The following KLHL15 variants were observed in gnomAD, a reference collection of about 807,000 sequenced individuals.
KLHL15 encodes kelch-like protein 15.
A neutral mutation model predicts 29.3 loss-of-function variants in KLHL15; 1 was observed. That is an observed-to-expected ratio of 0.03 (90% CI 0.01 to 0.16). KLHL15 has a LOEUF of 0.16. Among genes scored for constraint, KLHL15 ranks in the 10% least tolerant of loss-of-function variants. The pLI is 1.00. For synonymous variants in KLHL15, 212 were observed against 184.5 expected (o/e 1.15, Z -1.21); for missense variants, 215 against 478.5 (o/e 0.45, Z 5.14).
At chrX:23,989,113 C>A (rs1244597583) in intron 3 of KLHL15, 83 bp from the exon 4 acceptor site, 7 of 776,883 alleles carry the variant, frequency 9.0e-6, no homozygotes, top group Admixed American at 3.5e-5. Flanking sequence ...ATACGATCAT[C>A]TTAGGCTCAC....
At chrX:24,013,065 A>C (rs888070198) in intron 2 of KLHL15, among the ~76,000 whole-genome samples, 5 of 111,677 alleles carry the variant, frequency 4.5e-5, no homozygotes, top group Non-Finnish European at 9.4e-5. Flanking sequence ...TTAAGATAAA[A>C]GTAAGCTACA....
chrX:23,990,690 G>A (rs866688879), intron 3 of KLHL15, among the ~76,000 whole-genome samples: 3 of 110,803 alleles, frequency 2.7e-5, no homozygotes, highest in African/African-American at 3.3e-5. Context: ...AGGCGGAAAT[G>A]TCTAAGAGCC....
intron 1 of KLHL15, among the ~76,000 whole-genome samples, chrX:24,025,282 G>C (rs1019034191): frequency 1.8e-5 from 2 of 109,735 alleles, no homozygotes; most frequent in Non-Finnish European, 3.8e-5. Context: ...CGGCGTCTCT[G>C]GGCTTCTGCC....
intron 3 of KLHL15, among the ~76,000 whole-genome samples, chrX:23,991,884 A>C (rs1929096067): frequency 8.9e-6 from 1 of 111,757 alleles, no homozygotes; most frequent in Admixed American, 9.5e-5. Context: ...AAAAAACAAA[A>C]CTGAGTATTT....
intron 2 of KLHL15, among the ~76,000 whole-genome samples, chrX:24,016,364 AAAAAG>A: frequency 1.2e-5 from 1 of 86,520 alleles, no homozygotes; most frequent in Non-Finnish European, 2.1e-5. Context: ...AAAAAAAAAA[AAAAAG>A]GGGGGGTATA....
intron 2 of KLHL15, among the ~76,000 whole-genome samples, chrX:24,020,366 A>C (rs1602018392): frequency 8.9e-6 from 1 of 112,187 alleles, no homozygotes; most frequent in East Asian, 2.8e-4. Flanking sequence ...TTGAAAACTC[A>C]CTTTAATATG....
chrX:24,025,575 C>G (rs939829409), intron 1 of KLHL15, among the ~76,000 whole-genome samples: 3 of 108,644 alleles, frequency 2.8e-5, no homozygotes, highest in Middle Eastern at 4.7e-3. Flanking sequence ...AGGCCCCCCC[C>G]TCGGCCCCTG....
intron 2 of KLHL15, among the ~76,000 whole-genome samples, chrX:24,013,629 G>A (rs890087201): frequency 3.6e-5 from 4 of 111,008 alleles, no homozygotes; most frequent in African/African-American, 1.3e-4. Context: ...ATGCATACTG[G>A]GAACAAAAGG....
At chrX:24,020,962 A>C (rs1414669819) in intron 2 of KLHL15, among the ~76,000 whole-genome samples, 1 of 112,200 alleles carries the variant, frequency 8.9e-6, no homozygotes, top group Non-Finnish European at 1.9e-5. Context: ...AGATCTTATC[A>C]GAGACAAAGG....
intron 3 of KLHL15, among the ~76,000 whole-genome samples, chrX:24,004,808 A>G (rs1207024722): frequency 9.3e-6 from 1 of 107,521 alleles, no homozygotes; most frequent in Non-Finnish European, 1.9e-5. Flanking sequence ...AAAAAAAAAT[A>G]CATACATACA....
chrX:24,011,439 T>C lies in KLHL15; in HGVS notation c.-7-4739A>G, dbSNP rs373286236. Among the ~76,000 whole-genome samples the C allele has an allele frequency of 9.2e-5, 10 of 109,165 alleles. No individual in the cohort carries two copies. The East Asian group carries it at 1.2e-3, about 13-fold the overall frequency. The allele number at this position is 109,165 out of a possible 115,157, so 94.8% of individuals were successfully genotyped here. A position where few individuals can be genotyped will look rare whatever the true frequency, so the allele number is the denominator to read the frequency against. On this transcript the variant is annotated intron_variant, in intron 2 of 3. Coordinates refer to ENST00000328046, the MANE Select transcript of KLHL15 (RefSeq NM_030624.3). The stretch of plus-strand genomic sequence containing the variant: ...GGTAGGCGGATCACGAAGTCAGGAG[T>C]TCCAGGCCAGCGTGGCCAACATGGT...
intron 3 of KLHL15, among the ~76,000 whole-genome samples, chrX:23,996,996 G>A (rs773008046): frequency 8.9e-6 from 1 of 111,817 alleles, no homozygotes; most frequent in African/African-American, 3.2e-5. Flanking sequence ...AATACCAAAT[G>A]GTAAATAAAG....
rs747838167 is a variant in KLHL15, at chrX:23,987,897, CTT to C, written c.*22_*23del. 2 of 1,161,796 alleles carry C rather than the reference CTT, an allele frequency of 1.7e-6. No homozygotes were observed. Among genetic ancestry groups the C allele is most frequent in the African/African-American group, 1.8e-5 (1 of 55,230 alleles). On this transcript the variant is annotated 3_prime_UTR_variant, in exon 4 of 4. Transcript: ENST00000328046. ...GTGCAAACAAATACTTTGTTTGCCT[CTT>C]TTTTTAGGGAGGAGGATGTCATTAG...
rs1185723730 is a variant in KLHL15, at chrX:23,987,612, CAT to C, written c.*307_*308del. On this transcript the variant is annotated 3_prime_UTR_variant, in exon 4 of 4. Transcript: ENST00000328046. ...TTATCGGGTCTTCTCTTAGAAGACA[CAT>C]GACTCCTACGCTAACATCTGAAAGA... is the stretch of plus-strand genomic sequence containing the variant. 14 of 193,087 alleles carry C rather than the reference CAT, an allele frequency of 7.3e-5. No individual in the cohort carries two copies. The East Asian group carries it at 1.2e-3, about 17-fold the overall frequency. 15.9% of individuals were successfully genotyped at this position (193,087 alleles called of 1,213,427 possible). A position where few individuals can be genotyped will look rare whatever the true frequency, so the allele number is the denominator to read the frequency against.
chrX:24,012,334 C>T (rs1356107358), intron 2 of KLHL15, among the ~76,000 whole-genome samples: 2 of 111,558 alleles, frequency 1.8e-5, no homozygotes. Flanking sequence ...ACATCCTAGT[C>T]CCCATTTCCC....
At chrX:23,989,248 T>C (rs1235598088) in intron 3 of KLHL15, among the ~76,000 whole-genome samples, 2 of 108,569 alleles carry the variant, frequency 1.8e-5, no homozygotes, top group Non-Finnish European at 3.8e-5. Flanking sequence ...TGGAGTGCAG[T>C]TGCATGGACT....
intron 1 of KLHL15, among the ~76,000 whole-genome samples, chrX:24,026,314 A>G (rs1295312877): frequency 2.7e-5 from 3 of 112,396 alleles, no homozygotes; most frequent in Non-Finnish European, 5.6e-5. Flanking sequence ...AAGAACGAAC[A>G]TTCAGAGGGC....
chrX:24,022,722 GTTTTT>G (rs530143102), intron 2 of KLHL15, among the ~76,000 whole-genome samples: 1 of 99,761 alleles, frequency 1.0e-5, no homozygotes, highest in African/African-American at 3.6e-5. Context: ...CTGTTTCGCG[GTTTTT>G]TTTTTTTTTG....
chrX:24,025,153 C>G (rs1929896219), intron 1 of KLHL15, 95 bp from the exon 2 acceptor site: 1 of 289,806 alleles, frequency 3.5e-6, no homozygotes, highest in East Asian at 4.9e-5. Context: ...TTGCCAACGC[C>G]GGGGGCCTCG....
Sources: allele counts gnomAD v4.1 joint callset (sites outside exome capture counted in the v4.1 genomes callset), GRCh38; gene constraint gnomAD v4.1.1; transcripts MANE v1.5; gene names NCBI Gene and HGNC (gene_info 2026-07-23, HGNC 2026-07-21).